TMEM217: variants seen among roughly 807,000 people sequenced by gnomAD.
The protein encoded by TMEM217 is transmembrane protein 217.
For synonymous variants in TMEM217, 76 were observed against 88.3 expected (o/e 0.86, Z 0.78); for missense variants, 204 against 248.8 (o/e 0.82, Z 1.21).
chr6:37,244,348 A>G (rs544379456), intron 1 of TMEM217, among the ~76,000 whole-genome samples: 1 of 152,376 alleles, frequency 6.6e-6, no homozygotes, highest in African/African-American at 2.4e-5. Flanking sequence ...TGAAACCCCT[A>G]TGGGAGAAAA....
At chr6:37,236,877 T>A (rs577276204) in intron 1 of TMEM217, among the ~76,000 whole-genome samples, 22 of 152,148 alleles carry the variant, frequency 1.4e-4, no homozygotes, top group Non-Finnish European at 2.6e-4. Flanking sequence ...CCTAGAAGAC[T>A]CACTCAGATG....
At chr6:37,215,337 A>C, downstream of TMEM217, 2 of 1,584,312 alleles carry the variant, frequency 1.3e-6, no homozygotes, top group Non-Finnish European at 8.6e-7. Context: ...AGAGAAAAGA[A>C]AACTTGAGGC....
chr6:37,246,504 C>A (rs1765091090), intron 1 of TMEM217, among the ~76,000 whole-genome samples: 1 of 152,164 alleles, frequency 6.6e-6, no homozygotes. Flanking sequence ...TCATGCACTG[C>A]AAGAGGGAGT....
chr6:37,212,858 A>C, downstream of TMEM217: 2 of 1,361,338 alleles, frequency 1.5e-6, no homozygotes, highest in Non-Finnish European at 2.1e-6. Flanking sequence ...TAGATGCTGA[A>C]CTTGGCCTCA....
At chr6:37,218,468 A>T (rs755090614) in exon 2 of TMEM217, 56 of 1,613,356 alleles carry the variant, frequency 3.5e-5, no homozygotes, top group Non-Finnish European at 4.5e-5. Context: ...TGAGCCACTG[A>T]ACCCACTCGA....
chr6:37,234,831 C>T (rs2113867634), intron 1 of TMEM217, among the ~76,000 whole-genome samples: 1 of 152,014 alleles, frequency 6.6e-6, no homozygotes, highest in South Asian at 2.1e-4. Context: ...AAGTGGTTAC[C>T]TGTGAAAAGT....
exon 1 of TMEM217, chr6:37,257,807 G>T: frequency 8.2e-7 from 1 of 1,216,674 alleles, no homozygotes; most frequent in Non-Finnish European, 1.2e-6. Context: ...CTGGGAGCGG[G>T]TGACCGGCGG....
At chr6:37,238,140 T>C (rs1764587552) in intron 1 of TMEM217, among the ~76,000 whole-genome samples, 1 of 148,450 alleles carries the variant, frequency 6.7e-6, no homozygotes, top group South Asian at 2.2e-4. Context: ...TCTAATTGTA[T>C]GTATATAAAG....
intron 1 of TMEM217, among the ~76,000 whole-genome samples, chr6:37,229,266 CT>C (rs2113849197): frequency 6.6e-6 from 1 of 150,896 alleles, no homozygotes; most frequent in African/African-American, 2.4e-5. Context: ...AGAGTAAGCC[CT>C]TGTCCTGTGG....
At chr6:37,230,867 T>C (rs1460315572) in intron 1 of TMEM217, among the ~76,000 whole-genome samples, 1 of 152,106 alleles carries the variant, frequency 6.6e-6, no homozygotes, top group Non-Finnish European at 1.5e-5. Flanking sequence ...AAAAATTAAG[T>C]TAATTTTTTT....
intron 1 of TMEM217, among the ~76,000 whole-genome samples, chr6:37,237,804 CTATA>C (rs1006609494): frequency 5.3e-5 from 8 of 151,982 alleles, no homozygotes; most frequent in African/African-American, 1.5e-4. Flanking sequence ...CCATCTTTCT[CTATA>C]TATATACACA....
intron 1 of TMEM217, among the ~76,000 whole-genome samples, chr6:37,219,525 G>GA (rs1211559655): frequency 6.6e-6 from 1 of 152,156 alleles, no homozygotes; most frequent in Non-Finnish European, 1.5e-5. Flanking sequence ...AGGATTGCTT[G>GA]AGTCCAGCAG....
intron 1 of TMEM217, among the ~76,000 whole-genome samples, chr6:37,253,838 TC>T (rs1298505897): frequency 6.6e-6 from 1 of 152,180 alleles, no homozygotes; most frequent in Non-Finnish European, 1.5e-5. Flanking sequence ...TCCTTTTCTC[TC>T]CCTACTCAAG....
chr6:37,218,597 A>G, exon 2 of TMEM217: 1 of 1,614,214 alleles, frequency 6.2e-7, no homozygotes, highest in Non-Finnish European at 8.5e-7. Context: ...GTTGATGACA[A>G]AGAACATCCA....
intron 1 of TMEM217, among the ~76,000 whole-genome samples, chr6:37,230,831 T>C (rs1409180451): frequency 6.6e-6 from 1 of 152,126 alleles, no homozygotes; most frequent in Admixed American, 6.6e-5. Flanking sequence ...GTAAATTGCC[T>C]CTCTACCACT....
chr6:37,229,157 T>C (rs1005056415), intron 1 of TMEM217, among the ~76,000 whole-genome samples: 1 of 151,152 alleles, frequency 6.6e-6, no homozygotes, highest in Non-Finnish European at 1.5e-5. Context: ...AAGAGGGAGG[T>C]GTATTTGTAT....
intron 1 of TMEM217, among the ~76,000 whole-genome samples, chr6:37,242,464 T>C (rs1562020272): frequency 6.6e-6 from 1 of 152,218 alleles, no homozygotes; most frequent in Non-Finnish European, 1.5e-5. Flanking sequence ...AAAACAAAAG[T>C]TCTTTAACTC....
chr6:37,227,971 T>C (rs1763940357), intron 1 of TMEM217, among the ~76,000 whole-genome samples: 1 of 152,126 alleles, frequency 6.6e-6, no homozygotes, highest in South Asian at 2.1e-4. Flanking sequence ...AAAAAGTTAA[T>C]GTTTCCATGT....
chr6:37,254,368 G>A (rs1045432897), intron 1 of TMEM217, among the ~76,000 whole-genome samples: 16 of 152,172 alleles, frequency 1.1e-4, no homozygotes, highest in African/African-American at 3.1e-4. Context: ...CTGGGCAAGG[G>A]TGGCTGCCAT....
Sources: allele counts gnomAD v4.1 joint callset (sites outside exome capture counted in the v4.1 genomes callset), GRCh38; gene constraint gnomAD v4.1.1; transcripts MANE v1.5; gene names NCBI Gene and HGNC (gene_info 2026-07-23, HGNC 2026-07-21).